DBF4B: variants seen among roughly 807,000 people sequenced by gnomAD.
The protein encoded by DBF4B is DBF4B-CDC7 kinase regulatory subunit, also known as protein DBF4 homolog B.
A neutral mutation model predicts 53.4 loss-of-function variants in DBF4B; 49 were observed. That is an observed-to-expected ratio of 0.92 (90% confidence interval 0.73 to 1.16). The LOEUF is 1.16. Ranked by LOEUF, DBF4B falls within the 50% of genes most tolerant of loss-of-function variation. DBF4B has a pLI of 0.00. For missense variants in DBF4B, 692 were observed against 775.0 expected (o/e 0.89, Z 1.27); for synonymous variants, 257 against 288.7 (o/e 0.89, Z 1.11).
In DBF4B at chr17:44,752,186, A is replaced by G. The variant is rs2049289370; in HGVS notation, c.*933A>G. 1.7e-6 allele frequency: 1 copy of G among 581,582 alleles called. No homozygotes were observed. The highest frequency in any genetic ancestry group is 3.0e-5 in the East Asian group (1 of 33,164). The allele number at this position is 581,582 out of a possible 1,614,324, so 36.0% of individuals were successfully genotyped here. ...AAAATGCCTTTATTACTCGGGCCTC[A>G]GTTTCCTCGTCTTTAAGTAAGGGGC... On this transcript the variant is annotated 3_prime_UTR_variant, in exon 14 of 14. Coordinates refer to ENST00000315005, the MANE Select transcript of DBF4B (RefSeq NM_145663.3).
intron 2 of DBF4B, among the ~76,000 whole-genome samples, chr17:44,715,222 C>T (rs571629632): frequency 2.0e-5 from 3 of 151,630 alleles, no homozygotes; most frequent in Non-Finnish European, 4.4e-5. Context: ...GTTTTTGAGA[C>T]GGAGTTTTGC....
intron 9 of DBF4B, among the ~76,000 whole-genome samples, chr17:44,739,775 A>AT (rs962011266): frequency 5.5e-4 from 81 of 147,256 alleles, no homozygotes; most frequent in South Asian, 6.4e-4. Flanking sequence ...TTCTTGTGAA[A>AT]TTTTTTTTTT....
At chr17:44,729,677 TACACATACACACACAC>T (rs1342707938) in intron 3 of DBF4B, among the ~76,000 whole-genome samples, 10 of 100,404 alleles carry the variant, frequency 1.0e-4, no homozygotes, top group Non-Finnish European at 1.5e-4. Flanking sequence ...AAACCTGTAA[TACACATACACACACAC>T]ACACACACAC....
In DBF4B at chr17:44,708,668, C is replaced by A; in HGVS notation, c.-153C>A. The A allele has an allele frequency of 2.3e-6, 2 of 874,402 alleles. No homozygotes were observed. The highest frequency in any genetic ancestry group is 3.3e-6 in the Non-Finnish European group (2 of 608,476). 54.2% of individuals were successfully genotyped at this position (874,402 alleles called of 1,614,324 possible). A position where few individuals can be genotyped will look rare whatever the true frequency, so the allele number is the denominator to read the frequency against. Reference sequence around the variant, plus strand: ...GGGTGGAGCCGGCAGGAAATTTAAACTGAAGCCGCGGCCGAAAACGCCAAG... The same window carrying A: ...GGGTGGAGCCGGCAGGAAATTTAAAATGAAGCCGCGGCCGAAAACGCCAAG... On this transcript the variant is annotated 5_prime_UTR_variant, in exon 1 of 14. It adds an upstream start codon to the 5' untranslated region. Coordinates refer to ENST00000315005, the MANE Select transcript of DBF4B (RefSeq NM_145663.3).
At position 44,739,794 on chromosome 17, in the gene DBF4B, G is replaced by A. The variant is rs751460952; in HGVS notation, c.713+1370G>A. Among the ~76,000 whole-genome samples, 3 of 151,668 alleles carry A rather than the reference G, an allele frequency of 2.0e-5. No homozygotes were observed. In the East Asian group the frequency reaches 5.8e-4, roughly 29 times the overall value. ...TGTGAAATTTTTTTTTTTTTGAGACGGAGTCTCACTCCATCACCTAGGCTG... is the reference window on the plus strand; with the variant it reads ...TGTGAAATTTTTTTTTTTTTGAGACAGAGTCTCACTCCATCACCTAGGCTG... On this transcript the variant is annotated intron_variant, in intron 9 of 13. Transcript: ENST00000315005.
At chr17:44,710,784 G>A (rs117418327) in intron 2 of DBF4B, among the ~76,000 whole-genome samples, 1 of 151,978 alleles carries the variant, frequency 6.6e-6, no homozygotes, top group Non-Finnish European at 1.5e-5. Flanking sequence ...TGTTGCCCAG[G>A]CCGGTCTTCA....
intron 8 of DBF4B, 56 bp from the exon 9 acceptor site, chr17:44,738,323 G>A: frequency 1.3e-6 from 2 of 1,572,950 alleles, no homozygotes; most frequent in Non-Finnish European, 1.7e-6. Context: ...CATGTGTGGT[G>A]CAGGCCCTGC....
intron 10 of DBF4B, 58 bp downstream of exon 10, chr17:44,741,510 T>G: frequency 8.3e-7 from 1 of 1,198,324 alleles, no homozygotes. Context: ...GTCCTCCCCA[T>G]CGGGGGCCTG....
intron 2 of DBF4B, among the ~76,000 whole-genome samples, chr17:44,717,436 G>A (rs1254635231): frequency 6.6e-6 from 1 of 152,074 alleles, no homozygotes; most frequent in African/African-American, 2.4e-5. Context: ...GCTGGGCGTG[G>A]TGGCTCACGC....
chr17:44,713,333 G>A (rs930106048), intron 2 of DBF4B, among the ~76,000 whole-genome samples: 5 of 147,122 alleles, frequency 3.4e-5, no homozygotes, highest in Admixed American at 6.8e-5. Flanking sequence ...GAGCCACCAC[G>A]CCCCGCCGAC....
At chr17:44,730,557 A>C (rs1974743618) in intron 4 of DBF4B, among the ~76,000 whole-genome samples, 1 of 152,208 alleles carries the variant, frequency 6.6e-6, no homozygotes, top group African/African-American at 2.4e-5. Context: ...TATTAATATT[A>C]AAATGTCCAT....
At chr17:44,742,170 A>G (rs1598849488) in intron 10 of DBF4B, among the ~76,000 whole-genome samples, 1 of 151,932 alleles carries the variant, frequency 6.6e-6, no homozygotes, top group East Asian at 1.9e-4. Context: ...TGGGAGGCTA[A>G]GGGGGCGGAT....
rs553960918 is a variant in DBF4B at position 44,751,494 on chromosome 17, C to T, written c.*241C>T. On this transcript the variant is annotated 3_prime_UTR_variant, in exon 14 of 14. Transcript: ENST00000315005. ...GAAGAGGTGTCCTCCCTCCACAAGT[C>T]ACACTGTCTGTCCCTGGCCCTCCAG... 80 of 1,401,380 alleles carry T rather than the reference C, an allele frequency of 5.7e-5. No individual in the cohort carries two copies. Among genetic ancestry groups the T allele is most frequent in the Non-Finnish European group, 7.1e-5 (77 of 1,082,012 alleles). 86.8% of individuals were successfully genotyped at this position (1,401,380 alleles called of 1,614,324 possible).
intron 9 of DBF4B, 57 bp from the exon 10 acceptor site, chr17:44,741,279 C>T: frequency 7.7e-6 from 10 of 1,298,048 alleles, no homozygotes; most frequent in Non-Finnish European, 1.0e-5. Context: ...GGCGAGGCCC[C>T]CTCCTCAGCC....
chr17:44,731,058 T>A (rs1568179329), intron 5 of DBF4B, 43 bp downstream of exon 5: 2 of 1,611,402 alleles, frequency 1.2e-6, no homozygotes, highest in Non-Finnish European at 1.7e-6. Flanking sequence ...GTCTCCAGCA[T>A]AGGGAGGGAT....
intron 13 of DBF4B, 70 bp downstream of exon 13, chr17:44,748,535 T>C (rs1308922328): frequency 6.2e-7 from 1 of 1,602,684 alleles, no homozygotes; most frequent in Admixed American, 1.7e-5. Flanking sequence ...ACTGGTGAGG[T>C]ACCTGGACCT....
intron 2 of DBF4B, among the ~76,000 whole-genome samples, chr17:44,709,990 A>C (rs540952159): frequency 1.2e-4 from 18 of 151,790 alleles, no homozygotes; most frequent in Non-Finnish European, 2.2e-4. Flanking sequence ...TGGCTAACAC[A>C]GTGAAACCCC....
chr17:44,750,175 A>G (rs2049243945), intron 13 of DBF4B: 2 of 999,148 alleles, frequency 2.0e-6, no homozygotes, highest in Non-Finnish European at 2.4e-6. Context: ...TCCTTCCCCA[A>G]GGACCTCCCC....
intron 13 of DBF4B, chr17:44,748,885 T>G (rs1022320609): frequency 7.8e-6 from 10 of 1,290,298 alleles, no homozygotes; most frequent in Non-Finnish European, 1.0e-5. Flanking sequence ...CCAGCCCTTG[T>G]GCCACTCACA....
Sources: allele counts gnomAD v4.1 joint callset (sites outside exome capture counted in the v4.1 genomes callset), GRCh38; gene constraint gnomAD v4.1.1; transcripts MANE v1.5; gene names NCBI Gene and HGNC (gene_info 2026-07-23, HGNC 2026-07-21).